CCDC171: variants seen among roughly 807,000 people sequenced by gnomAD.
CCDC171 encodes coiled-coil domain containing 171, also known as coiled-coil domain-containing protein 171.
In CCDC171, 177 loss-of-function variants were observed where a neutral mutation model predicts 168.2. The observed-to-expected ratio is 1.05, with a 90% confidence interval of 0.93 to 1.19. The LOEUF (loss-of-function observed/expected upper bound fraction) is 1.19, where lower values mean the gene tolerates loss of function less well. CCDC171 is among the 50% of genes most tolerant of loss of function. CCDC171 has a pLI of 0.00. For missense variants in CCDC171, 1,991 were observed against 1,539.0 expected (o/e 1.29, Z -4.91); for synonymous variants, 687 against 540.8 (o/e 1.27, Z -3.75).
intron 21 of CCDC171, among the ~76,000 whole-genome samples, chr9:15,831,432 T>C (rs193182808): frequency 6.6e-6 from 1 of 152,310 alleles, no homozygotes; most frequent in Admixed American, 6.5e-5. Context: ...CTTGACACTT[T>C]CTTAATCTTC....
the CCDC171 span, among the ~76,000 whole-genome samples, chr9:16,069,156 A>C: frequency 1.3e-5 from 2 of 152,224 alleles, no homozygotes; most frequent in Non-Finnish European, 1.5e-5. Flanking sequence ...TTAGGCCTAC[A>C]TGACGTAAGG....
At chr9:15,905,591 C>A (rs1369629362) in intron 24 of CCDC171, among the ~76,000 whole-genome samples, 1 of 152,052 alleles carries the variant, frequency 6.6e-6, no homozygotes, top group Non-Finnish European at 1.5e-5. Context: ...AAATTGACAT[C>A]CTAACATCAC....
At chr9:15,931,983 G>A (rs3008680) in intron 25 of CCDC171, among the ~76,000 whole-genome samples, 126,994 of 151,892 alleles carry the variant, frequency 0.84, 53,165 homozygotes, top group East Asian at 0.96. Context: ...TGCCAGTACC[G>A]TGCTGTTTTG....
chr9:15,790,352 A>AT (rs1435378422), intron 21 of CCDC171, among the ~76,000 whole-genome samples: 1 of 152,152 alleles, frequency 6.6e-6, no homozygotes, highest in African/African-American at 2.4e-5. Context: ...GCCAGTGATG[A>AT]TGAGCATTTT....
chr9:16,080,833 G>C, the CCDC171 span, among the ~76,000 whole-genome samples: 1 of 152,082 alleles, frequency 6.6e-6, no homozygotes, highest in Non-Finnish European at 1.5e-5. Context: ...AGGCATTTGG[G>C]CTTTTCTGCT....
At chr9:16,102,175 C>G in the CCDC171 span, among the ~76,000 whole-genome samples, 1 of 152,162 alleles carries the variant, frequency 6.6e-6, no homozygotes, top group Admixed American at 6.5e-5. Flanking sequence ...TGGACTAACT[C>G]CTGTGAGCCT....
chr9:15,944,704 A>G (rs576603917), intron 25 of CCDC171, among the ~76,000 whole-genome samples: 1 of 151,332 alleles, frequency 6.6e-6, no homozygotes, highest in Non-Finnish European at 1.5e-5. Flanking sequence ...CATTTCCTTT[A>G]TGTTATAATC....
intron 21 of CCDC171, among the ~76,000 whole-genome samples, chr9:15,810,860 G>C (rs188288792): frequency 1.3e-5 from 2 of 152,212 alleles, no homozygotes; most frequent in East Asian, 1.9e-4. Context: ...ACAGTGCAGC[G>C]GCAGGCTGAA....
chr9:15,660,352 A>G (rs1023749648), intron 8 of CCDC171, among the ~76,000 whole-genome samples: 1 of 152,012 alleles, frequency 6.6e-6, no homozygotes, highest in Admixed American at 6.6e-5. Context: ...CCGGGGGTAC[A>G]TGTGTAGTTT....
At chr9:15,575,029 T>G (rs763284871) in intron 3 of CCDC171, among the ~76,000 whole-genome samples, 14 of 152,252 alleles carry the variant, frequency 9.2e-5, no homozygotes, top group East Asian at 5.8e-4. Context: ...GTAACAATAC[T>G]GTTGTGGAAA....
intron 20 of CCDC171, among the ~76,000 whole-genome samples, chr9:15,783,294 C>G (rs2057762054): frequency 6.6e-6 from 1 of 152,130 alleles, no homozygotes; most frequent in South Asian, 2.1e-4. Flanking sequence ...ATGCACATTT[C>G]TATTTTTGTC....
In CCDC171 at chr9:15,812,934, G is replaced by A. The variant is rs376102502; in HGVS notation, c.3267+28240G>A. On this transcript the variant is annotated intron_variant, in intron 21 of 25. Coordinates refer to ENST00000380701, the MANE Select transcript of CCDC171 (RefSeq NM_173550.4). ...CTATGAGGACCTACATTTGGACCTCGTGGTAACTACTGAGCACTATCAGAT... is the reference window on the plus strand; with the variant it reads ...CTATGAGGACCTACATTTGGACCTCATGGTAACTACTGAGCACTATCAGAT... Among the ~76,000 whole-genome samples the A allele has an allele frequency of 1.1e-4, 17 of 152,184 alleles. No individual in the cohort carries two copies. In the East Asian group the frequency reaches 1.5e-3, roughly 14 times the overall value.
intron 11 of CCDC171, among the ~76,000 whole-genome samples, chr9:15,720,205 A>G (rs947354478): frequency 1.3e-5 from 2 of 152,210 alleles, no homozygotes; most frequent in African/African-American, 4.8e-5. Context: ...AGATATCACC[A>G]TACTCTGAGC....
At position 15,701,240 on chromosome 9, in the gene CCDC171, G is replaced by T. The variant is rs542184902; in HGVS notation, c.1318+5903G>T. Among the ~76,000 whole-genome samples, 20 of 152,242 alleles carry T rather than the reference G, an allele frequency of 1.3e-4. No homozygotes were observed. The South Asian group carries it at 4.1e-3, about 32-fold the overall frequency. On this transcript the variant is annotated intron_variant, in intron 11 of 25. Transcript: ENST00000380701. ...TCCTTTGCTGGGCAGAAGCTATGTA[G>T]TTTAATATAGTCCCTTTGGTTTATT...
intron 3 of CCDC171, among the ~76,000 whole-genome samples, chr9:15,983,425 A>T (rs572042696): frequency 3.3e-5 from 5 of 152,094 alleles, no homozygotes; most frequent in Admixed American, 3.3e-4. Context: ...CTTCTTAGGT[A>T]ATATGCAGTA....
chr9:15,849,017 A>G lies in CCDC171; in HGVS notation c.3468+70A>G, dbSNP rs555110674. The G allele has an allele frequency of 9.4e-6, 7 of 741,358 alleles. No individual in the cohort carries two copies. In the South Asian group the frequency reaches 1.5e-4, roughly 16 times the overall value. 45.9% of individuals were successfully genotyped at this position (741,358 alleles called of 1,614,324 possible). On this transcript the variant is annotated intron_variant, in intron 23 of 25. Transcript: ENST00000380701. ...CCTAGTCATTATTTTTATTAGCCAC[A>G]AAGTACTTTCATTGATTTTGAAAGT...
intron 8 of CCDC171, among the ~76,000 whole-genome samples, chr9:15,659,892 G>A (rs2048193436): frequency 1.3e-5 from 2 of 152,126 alleles, no homozygotes; most frequent in Admixed American, 1.3e-4. Context: ...ATTTGCCAAT[G>A]TTAGTTACCA....
At chr9:16,022,640 G>T (rs1257915896) in intron 5 of CCDC171, 2 of 152,176 alleles carry the variant, frequency 1.3e-5, no homozygotes, top group African/African-American at 4.8e-5. Flanking sequence ...CTCTAAGTGG[G>T]CACACCCCAT....
At chr9:15,896,034 C>T (rs992993882) in intron 24 of CCDC171, among the ~76,000 whole-genome samples, 1 of 151,898 alleles carries the variant, frequency 6.6e-6, no homozygotes, top group Non-Finnish European at 1.5e-5. Context: ...ATTTTGATGA[C>T]CTCTTTTCCA....
Sources: gnomAD v4.1 joint callset for allele counts (sites outside exome capture counted in the v4.1 genomes callset) on GRCh38, gnomAD v4.1.1 for gene constraint, MANE v1.5 for transcripts, NCBI Gene and HGNC (gene_info 2026-07-23, HGNC 2026-07-21) for gene names.